Variants in CASQ2 observed in about 807,000 individuals in gnomAD.
The protein encoded by CASQ2 is calsequestrin 2.
Under a neutral mutation model 46.5 loss-of-function variants are expected in CASQ2, and 49 were observed. That is an observed-to-expected ratio of 1.05 (90% CI 0.84 to 1.34). The LOEUF is 1.34. Ranked by LOEUF, CASQ2 falls within the 40% of genes most tolerant of loss-of-function variation. The pLI is 0.00. For missense variants in CASQ2, 486 were observed against 481.3 expected (o/e 1.01, Z -0.09); for synonymous variants, 174 against 168.5 (o/e 1.03, Z -0.25).
At chr1:115,715,827 C>T (rs1247908980) in intron 8 of CASQ2, among the ~76,000 whole-genome samples, 2 of 152,136 alleles carry the variant, frequency 1.3e-5, no homozygotes, top group African/African-American at 2.4e-5. Flanking sequence ...GGGGCTCTGT[C>T]TTGGTTGGTC....
Position 115,700,223 on chromosome 1 carries a change from A to AT in CASQ2, c.*1017dup, listed in dbSNP as rs11347859. On this transcript the variant is annotated 3_prime_UTR_variant, in exon 11 of 11. Coordinates refer to ENST00000261448, the MANE Select transcript of CASQ2 (RefSeq NM_001232.4). ...TAGACAGCTCAGAAGGCACTTTGGG[A>AT]TTTTTTTTTTTTTCAGTGCCTCAGG... 1.9e-3 allele frequency: 277 copies of AT among 148,442 alleles called. 1 individual carries two copies. Among genetic ancestry groups the AT allele is most frequent in the Middle Eastern group, 7.1e-3 (2 of 282 alleles). 9.2% of individuals were successfully genotyped at this position (148,442 alleles called of 1,614,324 possible).
At chr1:115,710,769 C>G (rs1654519037) in intron 8 of CASQ2, among the ~76,000 whole-genome samples, 2 of 152,166 alleles carry the variant, frequency 1.3e-5, no homozygotes, top group South Asian at 4.1e-4. Flanking sequence ...GTGAGAACTG[C>G]AACTCCTCTC....
chr1:115,728,462 G>A (rs893711349), intron 5 of CASQ2, among the ~76,000 whole-genome samples: 1 of 152,096 alleles, frequency 6.6e-6, no homozygotes, highest in African/African-American at 2.4e-5. Flanking sequence ...CCTCTTCTCA[G>A]GGGTAGGGGG....
intron 4 of CASQ2, among the ~76,000 whole-genome samples, chr1:115,733,194 T>A (rs996492712): frequency 6.6e-6 from 1 of 152,088 alleles, no homozygotes; most frequent in African/African-American, 2.4e-5. Flanking sequence ...AGAAGACCCA[T>A]TCACCACACT....
At chr1:115,723,428 A>G (rs575745992) in intron 7 of CASQ2, among the ~76,000 whole-genome samples, 4 of 152,282 alleles carry the variant, frequency 2.6e-5, no homozygotes, top group African/African-American at 9.6e-5. Flanking sequence ...TCTTTGCACT[A>G]TTTTGGTACA....
chr1:115,753,858 G>A (rs1395306588), intron 1 of CASQ2, among the ~76,000 whole-genome samples: 1 of 152,008 alleles, frequency 6.6e-6, no homozygotes, highest in Non-Finnish European at 1.5e-5. Context: ...GAAGGGAGGT[G>A]GGTGGGGATT....
intron 8 of CASQ2, among the ~76,000 whole-genome samples, chr1:115,714,332 A>G (rs1222861293): frequency 1.3e-5 from 2 of 152,206 alleles, no homozygotes; most frequent in African/African-American, 4.8e-5. Flanking sequence ...TGGCTTAGGT[A>G]TAGTGAGTGA....
In CASQ2 at chr1:115,768,491, G is replaced by T; in HGVS notation, c.51C>A (p.Cys17Ter). ...FIVGIYFLSSCRAEEGLNFPT... is the reference protein window; with the variant it reads ...FIVGIYFLSS ...GGAAATTAAGCCCCTCTTCTGCCCTGCAAGAGGACAGAAAATAAATCCCCA... is the reference window on the plus strand; with the variant it reads ...GGAAATTAAGCCCCTCTTCTGCCCTTCAAGAGGACAGAAAATAAATCCCCA... Residue 17 changes from cysteine to a stop codon, truncating the protein, a stop_gained, in exon 1 of 11, where the codon TGC becomes TGA. Coordinates refer to ENST00000261448, the MANE Select transcript of CASQ2 (RefSeq NM_001232.4). LOFTEE classifies it high-confidence loss of function. 1 of 1,613,648 alleles carries T rather than the reference G, an allele frequency of 6.2e-7. No individual in the cohort carries two copies. Among genetic ancestry groups the T allele is most frequent in the Non-Finnish European group, 8.5e-7 (1 of 1,179,558 alleles).
chr1:115,730,989 C>A (rs1161649412), intron 5 of CASQ2, among the ~76,000 whole-genome samples: 4 of 152,148 alleles, frequency 2.6e-5, no homozygotes, highest in Non-Finnish European at 5.9e-5. Flanking sequence ...CTTCTGGACT[C>A]CACCATCTCC....
At chr1:115,731,252 C>T (rs1647773214) in intron 5 of CASQ2, among the ~76,000 whole-genome samples, 1 of 152,208 alleles carries the variant, frequency 6.6e-6, no homozygotes, top group Non-Finnish European at 1.5e-5. Flanking sequence ...TATACAGTTG[C>T]ACTAGGAGGC....
At chr1:115,728,405 G>A (rs1647668349) in intron 5 of CASQ2, among the ~76,000 whole-genome samples, 1 of 152,172 alleles carries the variant, frequency 6.6e-6, no homozygotes, top group Admixed American at 6.5e-5. Context: ...TTATTGTCAG[G>A]TTAATTTTAA....
At chr1:115,754,258 G>C (rs562830138) in intron 1 of CASQ2, among the ~76,000 whole-genome samples, 1 of 152,146 alleles carries the variant, frequency 6.6e-6, no homozygotes, top group Admixed American at 6.5e-5. Context: ...AGCGAGTATC[G>C]GGGGCCTCTT....
chr1:115,752,582 G>T (rs1648621004), intron 1 of CASQ2, among the ~76,000 whole-genome samples: 1 of 152,152 alleles, frequency 6.6e-6, no homozygotes, highest in Admixed American at 6.5e-5. Context: ...ATAAGAAAAG[G>T]TTTGCAGGTG....
At chr1:115,727,547 G>T (rs1647637846) in intron 5 of CASQ2, among the ~76,000 whole-genome samples, 1 of 152,148 alleles carries the variant, frequency 6.6e-6, no homozygotes, top group African/African-American at 2.4e-5. Flanking sequence ...GATCCTTAAG[G>T]CATATAGGTA....
At chr1:115,723,307 A>ATCTG (rs1237329687) in intron 7 of CASQ2, among the ~76,000 whole-genome samples, 1 of 150,332 alleles carries the variant, frequency 6.7e-6, no homozygotes, top group Non-Finnish European at 1.5e-5. Context: ...CTATCTATTT[A>ATCTG]TCTATCTATC....
chr1:115,759,710 A>G (rs1349109687), intron 1 of CASQ2, among the ~76,000 whole-genome samples: 2 of 152,238 alleles, frequency 1.3e-5, no homozygotes, highest in African/African-American at 4.8e-5. Context: ...GTTTTATATT[A>G]CAAAATACTC....
At chr1:115,703,713 C>T (rs549890762) in intron 9 of CASQ2, among the ~76,000 whole-genome samples, 1 of 152,178 alleles carries the variant, frequency 6.6e-6, no homozygotes, top group African/African-American at 2.4e-5. Context: ...GAGTTTGAAA[C>T]CAGCCTGAGC....
intron 1 of CASQ2, among the ~76,000 whole-genome samples, chr1:115,751,938 C>A (rs905370188): frequency 6.6e-6 from 1 of 152,186 alleles, no homozygotes. Flanking sequence ...TCTTCAGCTC[C>A]GCAAAACATC....
At chr1:115,764,219 C>T (rs1217758608) in intron 1 of CASQ2, among the ~76,000 whole-genome samples, 1 of 151,922 alleles carries the variant, frequency 6.6e-6, no homozygotes, top group Non-Finnish European at 1.5e-5. Context: ...AAAATTGTGT[C>T]AAGATCCAAA....
Sources: gnomAD v4.1 joint callset for allele counts (sites outside exome capture counted in the v4.1 genomes callset) on GRCh38, gnomAD v4.1.1 for gene constraint, MANE v1.5 for transcripts, NCBI Gene and HGNC (gene_info 2026-07-23, HGNC 2026-07-21) for gene names.